Variants in EXD3 observed in about 807,000 individuals in gnomAD.
EXD3 encodes the protein exonuclease mut-7 homolog.
A neutral mutation model predicts 98.0 loss-of-function variants in EXD3; 92 were observed. The observed-to-expected ratio is 0.94, with a 90% CI of 0.79 to 1.12. The LOEUF is 1.12. EXD3 is among the 50% of genes most tolerant of loss of function. EXD3 has a pLI of 0.00. For missense variants in EXD3, 1,222 were observed against 1,191.6 expected (o/e 1.03, Z -0.38); for synonymous variants, 569 against 526.0 (o/e 1.08, Z -1.12).
chr9:137,314,467 T>A (rs1831532615), intron 19 of EXD3, among the ~76,000 whole-genome samples: 1 of 152,036 alleles, frequency 6.6e-6, no homozygotes, highest in Non-Finnish European at 1.5e-5. Flanking sequence ...TTGGGAAGCT[T>A]TTAAAACCCA....
rs1833984230 is a variant in EXD3, at chr9:137,347,230, G to T, written c.1998+841C>A. On this transcript the variant is annotated intron_variant, in intron 17 of 21. Transcript: ENST00000340951. The surrounding 1 kb of genome is among the most constrained non-coding windows in gnomAD (Gnocchi z 4.2). ...CAGGTTCTCTGCTCAGGGTCTCATGGCTGAAATCACAGTGTTCGCGACGGC... is the reference window on the plus strand; with the variant it reads ...CAGGTTCTCTGCTCAGGGTCTCATGTCTGAAATCACAGTGTTCGCGACGGC... Among the ~76,000 whole-genome samples the T allele has an allele frequency of 6.6e-6, 1 of 152,336 alleles. No homozygotes were observed. The highest frequency in any genetic ancestry group is 1.5e-5 in the Non-Finnish European group (1 of 68,036).
intron 5 of EXD3, among the ~76,000 whole-genome samples, chr9:137,369,052 C>T (rs1835441082): frequency 1.7e-5 from 2 of 115,090 alleles, no homozygotes; most frequent in African/African-American, 6.8e-5. Flanking sequence ...GGGGAAGGGA[C>T]GCAGGACCCG....
At chr9:137,354,962 C>T (rs548874768) in intron 8 of EXD3, among the ~76,000 whole-genome samples, 189 bp from the exon 9 acceptor site, 50 of 152,338 alleles carry the variant, frequency 3.3e-4, no homozygotes, top group African/African-American at 1.2e-3. Context: ...GCCTGGGGGT[C>T]CCGCCGGCCC....
In EXD3 at chr9:137,340,758, A is replaced by G. The variant is rs568708904; in HGVS notation, c.1998+7313T>C. 8.3e-4 allele frequency among the ~76,000 whole-genome samples: 126 copies of G among 152,170 alleles called. 1 individual carries two copies. Among genetic ancestry groups the G allele is most frequent in the African/African-American group, 1.4e-3 (60 of 41,528 alleles). ...GGTCTCAAACTCCTGGGCTCAAGCA[A>G]TTCTCCCGCCCTGGCCTCCCAAAGG... On this transcript the variant is annotated intron_variant, in intron 17 of 21. Transcript: ENST00000340951.
intron 1 of EXD3, among the ~76,000 whole-genome samples, chr9:137,404,160 G>T (rs950539284): frequency 1.3e-5 from 2 of 152,172 alleles, no homozygotes; most frequent in African/African-American, 4.8e-5. Flanking sequence ...CCACCCCAAC[G>T]ACCTCATTTT....
In EXD3 at chr9:137,373,547, C is replaced by T. The variant is rs1352459536; in HGVS notation, c.173G>A (p.Gly58Glu). ...GFAALDDPLA[G>E]LLDMLESCRG... ...GCAGCTCTCCAGCATGTCCAGAAGC[C>T]CGGCCAGGGGGTCGTCCAAGGCAGC... is the stretch of plus-strand genomic sequence containing the variant. The change falls in exon 4 of 22, where the codon GGG (glycine) becomes GAG (glutamate). Residue 58 changes from glycine to glutamate, a missense_variant. Gly to Glu is a moderately conservative substitution (Grantham distance 98). Coordinates refer to ENST00000340951, the MANE Select transcript of EXD3 (RefSeq NM_017820.5). The T allele has an allele frequency of 6.2e-7, 1 of 1,603,600 alleles. No homozygotes were observed. The highest frequency in any genetic ancestry group is 8.5e-7 in the Non-Finnish European group (1 of 1,176,182).
chr9:137,387,725 G>A (rs1443003575), intron 2 of EXD3, among the ~76,000 whole-genome samples: 3 of 152,162 alleles, frequency 2.0e-5, no homozygotes, highest in Non-Finnish European at 4.4e-5. Context: ...TGACACCGAG[G>A]GACCTCCCAG....
intron 1 of EXD3, among the ~76,000 whole-genome samples, chr9:137,410,685 G>A (rs539163137): frequency 1.4e-4 from 22 of 152,248 alleles, no homozygotes; most frequent in African/African-American, 5.3e-4. Context: ...TACCCACACG[G>A]GGCAGAACTG....
intron 5 of EXD3, among the ~76,000 whole-genome samples, chr9:137,368,364 C>T (rs969425939): frequency 6.6e-6 from 1 of 152,198 alleles, no homozygotes; most frequent in African/African-American, 2.4e-5. Flanking sequence ...ACCTCCCACA[C>T]GACCCATCTG....
chr9:137,319,024 A>G (rs1479983890), intron 19 of EXD3, among the ~76,000 whole-genome samples: 1 of 152,178 alleles, frequency 6.6e-6, no homozygotes, highest in East Asian at 1.9e-4. Context: ...GGAAGAAGAA[A>G]ATGGAAAGTC....
chr9:137,341,275 CCACTA>C (rs1261140618), intron 17 of EXD3, among the ~76,000 whole-genome samples: 4 of 152,174 alleles, frequency 2.6e-5, no homozygotes, highest in Non-Finnish European at 5.9e-5. Context: ...TGTGATCACA[CCACTA>C]CACTCTAGCC....
intron 10 of EXD3, chr9:137,353,358 C>T (rs1452610682): frequency 3.6e-5 from 35 of 985,304 alleles, no homozygotes; most frequent in Non-Finnish European, 3.9e-5. Context: ...GGAGCCCGGG[C>T]ATGTTTTCTG....
intron 17 of EXD3, among the ~76,000 whole-genome samples, chr9:137,335,216 A>G (rs1833292648): frequency 6.6e-6 from 1 of 152,196 alleles, no homozygotes; most frequent in South Asian, 2.1e-4. Context: ...AAAAAAACAA[A>G]GAATCCCATC....
chr9:137,411,186 TAGATGATGCCGAATGGAGC>T (rs1412086636), intron 1 of EXD3, among the ~76,000 whole-genome samples: 3 of 147,302 alleles, frequency 2.0e-5, no homozygotes, highest in Non-Finnish European at 4.4e-5. Flanking sequence ...TGAGATGGAG[TAGATGATGCCGAATGGAGC>T]GCAGGCGTGG....
chr9:137,355,193 TC>T (rs1316956949), intron 8 of EXD3, among the ~76,000 whole-genome samples: 1 of 151,946 alleles, frequency 6.6e-6, no homozygotes, highest in Non-Finnish European at 1.5e-5. Flanking sequence ...CACACGCACG[TC>T]CACACCCTCC....
At position 137,347,992 on chromosome 9, in the gene EXD3, T is replaced by C; in HGVS notation, c.1998+79A>G. ...CCATGGATGAGCTGGAGGGAGGAGT[T>C]TGATGCTAGGGGTGGGCACACCTGT... On this transcript the variant is annotated intron_variant, in intron 17 of 21. Coordinates refer to ENST00000340951, the MANE Select transcript of EXD3 (RefSeq NM_017820.5). This position sits in a 1 kb window ranked among gnomAD's most constrained non-coding sequence, Gnocchi z 4.2. The C allele has an allele frequency of 6.9e-7, 1 of 1,456,408 alleles. No individual in the cohort carries two copies. Among genetic ancestry groups the C allele is most frequent in the Non-Finnish European group, 9.2e-7 (1 of 1,086,038 alleles). 90.2% of individuals were successfully genotyped at this position (1,456,408 alleles called of 1,614,324 possible).
intron 8 of EXD3, among the ~76,000 whole-genome samples, chr9:137,355,497 G>GAAGGAGA (rs1834627347): frequency 6.7e-5 from 3 of 44,748 alleles, no homozygotes; most frequent in African/African-American, 1.5e-4. Flanking sequence ...GAGGATGGAG[G>GAAGGAGA]AAGGAGGAAG....
chr9:137,358,405 C>T (rs1422501554), intron 7 of EXD3, among the ~76,000 whole-genome samples: 1 of 152,126 alleles, frequency 6.6e-6, no homozygotes, highest in Non-Finnish European at 1.5e-5. Flanking sequence ...TCACAAAGAC[C>T]CCCTGGAGAC....
intron 1 of EXD3, among the ~76,000 whole-genome samples, chr9:137,411,136 C>G (rs888824831): frequency 6.6e-6 from 1 of 152,174 alleles, no homozygotes; most frequent in Non-Finnish European, 1.5e-5. Flanking sequence ...GCTGAGGCCC[C>G]GAGGCCGGCC....
Sources: allele counts gnomAD v4.1 joint callset (sites outside exome capture counted in the v4.1 genomes callset), GRCh38; gene constraint gnomAD v4.1.1; non-coding constraint Gnocchi (gnomAD v3.1); transcripts MANE v1.5; gene names NCBI Gene and HGNC (gene_info 2026-07-23, HGNC 2026-07-21).